TRPC5: variants seen among roughly 807,000 people sequenced by gnomAD.
TRPC5 encodes the protein transient receptor potential cation channel subfamily C member 5, also known as short transient receptor potential channel 5.
A neutral mutation model predicts 56.5 loss-of-function variants in TRPC5; 9 were observed. The ratio of observed to expected loss-of-function variants is 0.16; its 90% confidence interval spans 0.10 to 0.28. The LOEUF (loss-of-function observed/expected upper bound fraction) is 0.28. Ranked by LOEUF, TRPC5 falls within the 10% of genes least tolerant of loss-of-function variation. TRPC5 has a pLI of 1.00. For missense variants in TRPC5, 469 were observed against 748.9 expected, an observed-to-expected ratio of 0.63 and a Z score of 4.36; for synonymous variants, 282 against 278.5, an observed-to-expected ratio of 1.01 and a Z score of -0.13.
chrX:111,833,977 A>G (rs1327927214), intron 7 of TRPC5, among the ~76,000 whole-genome samples: 2 of 111,726 alleles, frequency 1.8e-5, no homozygotes. Flanking sequence ...CTAGCATTAT[A>G]GTAAGAACTA....
At chrX:111,915,179 C>T (rs765673289) in intron 2 of TRPC5, among the ~76,000 whole-genome samples, 3 of 111,561 alleles carry the variant, frequency 2.7e-5, no homozygotes, top group Non-Finnish European at 5.6e-5. Flanking sequence ...CAGCAGTACC[C>T]GTGAATAGTG....
chrX:111,978,267 T>A (rs1280799140), intron 1 of TRPC5, among the ~76,000 whole-genome samples: 1 of 111,689 alleles, frequency 9.0e-6, no homozygotes, highest in East Asian at 2.8e-4. Context: ...AAGAAGAAAA[T>A]CTTGCCACTT....
chrX:111,922,881 T>G (rs1444179273), intron 2 of TRPC5, among the ~76,000 whole-genome samples: 3 of 112,018 alleles, frequency 2.7e-5, no homozygotes, highest in Non-Finnish European at 3.8e-5. Flanking sequence ...GCAGCAGGGA[T>G]AAAAGTAATA....
chrX:111,911,364 C>T (rs1364605946), intron 3 of TRPC5, among the ~76,000 whole-genome samples: 3 of 112,532 alleles, frequency 2.7e-5, no homozygotes, highest in African/African-American at 6.5e-5. Flanking sequence ...AGTGAAGAAA[C>T]TATTTTCATC....
chrX:112,049,179 C>T (rs917490346), intron 1 of TRPC5, among the ~76,000 whole-genome samples: 37 of 111,874 alleles, frequency 3.3e-4, no homozygotes, highest in South Asian at 1.5e-3. Context: ...CTGTAAACTG[C>T]TCTTCCTTTG....
chrX:112,046,488 C>G (rs780214199), intron 1 of TRPC5, among the ~76,000 whole-genome samples: 29 of 111,052 alleles, frequency 2.6e-4, no homozygotes, highest in Non-Finnish European at 5.1e-4. Context: ...GTCATGCTCT[C>G]ATAGTCACCA....
chrX:111,984,340 C>T (rs962264720), intron 1 of TRPC5, among the ~76,000 whole-genome samples: 1 of 111,270 alleles, frequency 9.0e-6, no homozygotes, highest in East Asian at 2.8e-4. Flanking sequence ...TATTCTGGGC[C>T]CCACTCAAAA....
intron 3 of TRPC5, among the ~76,000 whole-genome samples, chrX:111,885,083 T>A (rs1924412991): frequency 8.9e-6 from 1 of 112,894 alleles, no homozygotes; most frequent in Middle Eastern, 4.6e-3. Flanking sequence ...CCTAGTCAAC[T>A]CAGTGAAGGT....
At position 111,836,198 on chromosome X, in the gene TRPC5, G is replaced by A. The variant is rs1922559321; in HGVS notation, c.1701-1082C>T. 2.7e-5 allele frequency among the ~76,000 whole-genome samples: 3 copies of A among 111,494 alleles called. No homozygotes were observed. In the Admixed American group the frequency reaches 2.9e-4, roughly 11 times the overall value. ...ATGTAACTGCAATGATATCCTTTTG[G>A]TGTCTAGGGTTTCTTTTGCTTTATA... is the stretch of plus-strand genomic sequence containing the variant. On this transcript the variant is annotated intron_variant, in intron 6 of 10. Coordinates refer to ENST00000262839, the MANE Select transcript of TRPC5 (RefSeq NM_012471.3).
At chrX:111,781,862 C>G (rs1199510042) in intron 8 of TRPC5, 73 bp downstream of exon 8, 4 of 1,009,302 alleles carry the variant, frequency 4.0e-6, no homozygotes, top group Non-Finnish European at 5.4e-6. Flanking sequence ...TGCCACTGCA[C>G]TCCAGCCTGG....
chrX:112,075,104 G>C (rs1052431376), intron 1 of TRPC5, among the ~76,000 whole-genome samples: 1 of 112,028 alleles, frequency 8.9e-6, no homozygotes, highest in Non-Finnish European at 1.9e-5. Context: ...TTTATCATTA[G>C]ACTAAAAGCT....
At chrX:111,861,717 G>T (rs764161835) in intron 3 of TRPC5, among the ~76,000 whole-genome samples, 1 of 111,318 alleles carries the variant, frequency 9.0e-6, no homozygotes, top group East Asian at 2.8e-4. Context: ...GGGTAAAATC[G>T]GAAGATGAGT....
At chrX:111,798,801 C>T (rs1337036946) in intron 7 of TRPC5, among the ~76,000 whole-genome samples, 3 of 111,438 alleles carry the variant, frequency 2.7e-5, no homozygotes, top group African/African-American at 9.8e-5. Flanking sequence ...GGAAGGCATA[C>T]CTATAGATTC....
chrX:111,981,481 T>G (rs771167431), intron 1 of TRPC5, among the ~76,000 whole-genome samples: 32 of 111,851 alleles, frequency 2.9e-4, no homozygotes, highest in Non-Finnish European at 5.3e-4. Flanking sequence ...GAATAACATC[T>G]GACTAAATAT....
intron 1 of TRPC5, among the ~76,000 whole-genome samples, chrX:112,069,303 C>T (rs1464226190): frequency 3.6e-5 from 4 of 111,954 alleles, no homozygotes; most frequent in Non-Finnish European, 7.5e-5. Flanking sequence ...TACTAGTCTG[C>T]TTAAAATGCT....
At position 111,952,201 on chromosome X, in the gene TRPC5, G is replaced by A. The variant is rs746831637; in HGVS notation, c.220C>T (p.Leu74=). Residue 74 remains leucine, a synonymous_variant, in exon 2 of 11, where the codon CTG becomes TTG. Coordinates refer to ENST00000262839, the MANE Select transcript of TRPC5 (RefSeq NM_012471.3). The part of the protein sequence containing the change: ...NCMDPLGRSA[L]LIAIENENLE... ...TTCTCGTTCTCAATGGCAATGAGCA[G>A]GGCACTCCGGCCCAAGGGGTCCATG... The A allele has an allele frequency of 6.6e-6, 8 of 1,210,476 alleles. No homozygotes were observed. The highest frequency in any genetic ancestry group is 2.3e-4 in the Middle Eastern group (1 of 4,377).
chrX:111,977,351 C>T (rs764723788), intron 1 of TRPC5, among the ~76,000 whole-genome samples: 18 of 111,498 alleles, frequency 1.6e-4, no homozygotes, highest in East Asian at 8.4e-4. Flanking sequence ...AACTGATCTT[C>T]GGAGTGTCAA....
intron 1 of TRPC5, among the ~76,000 whole-genome samples, chrX:111,962,264 TCA>T (rs1927405018): frequency 8.9e-6 from 1 of 112,267 alleles, no homozygotes; most frequent in Non-Finnish European, 1.9e-5. Context: ...GAAGTGAACC[TCA>T]GTTTCTTCAT....
At chrX:112,069,530 G>T (rs932759340) in intron 1 of TRPC5, among the ~76,000 whole-genome samples, 2 of 112,281 alleles carry the variant, frequency 1.8e-5, no homozygotes, top group Non-Finnish European at 3.8e-5. Flanking sequence ...AGTCTGAATG[G>T]AATCTTCAGA....
Sources: allele counts gnomAD v4.1 joint callset (sites outside exome capture counted in the v4.1 genomes callset), GRCh38; gene constraint gnomAD v4.1.1; transcripts MANE v1.5; gene names NCBI Gene and HGNC (gene_info 2026-07-23, HGNC 2026-07-21).